CHSY3: variants seen among roughly 807,000 people sequenced by gnomAD.
CHSY3 encodes chondroitin sulfate synthase 3.
In CHSY3, 35 loss-of-function variants were observed where a neutral mutation model predicts 67.2. The observed-to-expected ratio is 0.52, with a 90% CI of 0.40 to 0.69. CHSY3 has a LOEUF of 0.69. Among genes scored for constraint, CHSY3 ranks in the 30% least tolerant of loss-of-function variants. CHSY3 has a pLI of 0.00. For missense variants in CHSY3, 1,069 were observed against 1,138.5 expected (o/e 0.94, Z 0.88); for synonymous variants, 474 against 434.7 (o/e 1.09, Z -1.12).
intron 2 of CHSY3, among the ~76,000 whole-genome samples, chr5:130,144,764 A>G (rs574530655): frequency 3.3e-5 from 5 of 152,302 alleles, no homozygotes; most frequent in African/African-American, 1.2e-4. Context: ...ATATAGTACA[A>G]AGCTATAGTA....
At chr5:130,124,591 G>A (rs139377859) in intron 2 of CHSY3, among the ~76,000 whole-genome samples, 1 of 151,920 alleles carries the variant, frequency 6.6e-6, no homozygotes, top group African/African-American at 2.4e-5. Context: ...GAGTAGCTGA[G>A]ATTACAGGCG....
At chr5:130,032,206 G>T (rs1347419028) in intron 2 of CHSY3, among the ~76,000 whole-genome samples, 1 of 152,074 alleles carries the variant, frequency 6.6e-6, no homozygotes, top group African/African-American at 2.4e-5. Flanking sequence ...TGTTATGGCA[G>T]CCTTTATGTT....
chr5:130,115,056 T>A (rs1767744932), intron 2 of CHSY3, among the ~76,000 whole-genome samples: 1 of 151,824 alleles, frequency 6.6e-6, no homozygotes, highest in Non-Finnish European at 1.5e-5. Flanking sequence ...TGATTACAAC[T>A]ATGGAAAAAT....
chr5:130,116,257 A>C (rs536062970), intron 2 of CHSY3, among the ~76,000 whole-genome samples: 2 of 152,356 alleles, frequency 1.3e-5, no homozygotes, highest in South Asian at 2.1e-4. Flanking sequence ...ATCTTAGAAG[A>C]GTTCACAAAA....
intron 2 of CHSY3, among the ~76,000 whole-genome samples, chr5:130,122,704 C>T (rs1001930115): frequency 2.0e-5 from 3 of 152,124 alleles, no homozygotes; most frequent in Admixed American, 6.5e-5. Flanking sequence ...TCCAGGTAAA[C>T]GTAAATATTT....
At chr5:130,002,040 A>G (rs1325169964) in intron 2 of CHSY3, 18 of 874,744 alleles carry the variant, frequency 2.1e-5, no homozygotes, top group Non-Finnish European at 2.5e-5. Flanking sequence ...TCTTTTTTTT[A>G]ACTCACTACT....
intron 2 of CHSY3, chr5:130,140,784 G>A (rs1768838154): frequency 4.3e-6 from 1 of 234,354 alleles, no homozygotes; most frequent in Non-Finnish European, 8.0e-6. Flanking sequence ...AAGGACATCA[G>A]TGAGAACAAT....
chr5:130,001,568 C>A, intron 2 of CHSY3: 1 of 878,608 alleles, frequency 1.1e-6, no homozygotes, highest in Non-Finnish European at 1.4e-6. Context: ...CTGTCCTTGC[C>A]TTTATTCCAA....
chr5:130,177,429 T>G (rs1770089413), intron 2 of CHSY3, among the ~76,000 whole-genome samples: 2 of 152,046 alleles, frequency 1.3e-5, no homozygotes, highest in Admixed American at 1.3e-4. Flanking sequence ...GAATAACAAA[T>G]CTATTAATAG....
At chr5:130,070,488 T>G (rs1766024648) in intron 2 of CHSY3, among the ~76,000 whole-genome samples, 1 of 152,092 alleles carries the variant, frequency 6.6e-6, no homozygotes, top group Non-Finnish European at 1.5e-5. Flanking sequence ...CAGTAAGTTT[T>G]ATGTGGATTT....
At chr5:129,944,902 C>T (rs4262139) in intron 2 of CHSY3, among the ~76,000 whole-genome samples, 2,283 of 152,050 alleles carry the variant, frequency 0.015, 49 homozygotes, top group African/African-American at 0.051. Context: ...GTAGCTTAGA[C>T]AAACAAAAAA....
chr5:130,152,768 AACATCTGTAAAATGG>A (rs558118324), intron 2 of CHSY3, among the ~76,000 whole-genome samples: 2 of 152,344 alleles, frequency 1.3e-5, no homozygotes, highest in East Asian at 3.9e-4. Flanking sequence ...ATGCCCTTGG[AACATCTGTAAAATGG>A]CCTTCTTTCA....
intron 2 of CHSY3, among the ~76,000 whole-genome samples, chr5:130,084,548 T>G (rs1002590859): frequency 6.6e-6 from 1 of 151,890 alleles, no homozygotes. Context: ...GTTTTATACA[T>G]TTTAGGGAGA....
chr5:130,097,623 G>A (rs1354213211), intron 2 of CHSY3, among the ~76,000 whole-genome samples: 1 of 152,186 alleles, frequency 6.6e-6, no homozygotes, highest in Non-Finnish European at 1.5e-5. Context: ...AACTAATTAA[G>A]TGTAACTACG....
At chr5:129,920,689 T>G (rs918378002) in intron 2 of CHSY3, among the ~76,000 whole-genome samples, 1 of 152,254 alleles carries the variant, frequency 6.6e-6, no homozygotes. Flanking sequence ...TATCACACAC[T>G]GTGGTTGTAA....
In CHSY3 at chr5:129,905,900, C is replaced by A. The variant is rs555108670; in HGVS notation, c.802+269C>A. The A allele has an allele frequency of 1.7e-5, 12 of 696,428 alleles. No individual in the cohort carries two copies. In the African/African-American group the frequency reaches 2.0e-4, roughly 11 times the overall value. 43.1% of individuals were successfully genotyped at this position (696,428 alleles called of 1,614,324 possible). The stretch of plus-strand genomic sequence containing the variant: ...TTTTCGGTGCCGCCTCGCGCTTGTC[C>A]CTTAGTCTTTACCTCGTCGGAGAGG... On this transcript the variant is annotated intron_variant, in intron 1 of 2. Coordinates refer to ENST00000305031, the MANE Select transcript of CHSY3 (RefSeq NM_175856.5).
chr5:129,926,254 G>A (rs1761105477), intron 2 of CHSY3, among the ~76,000 whole-genome samples: 1 of 151,866 alleles, frequency 6.6e-6, no homozygotes, highest in Admixed American at 6.5e-5. Flanking sequence ...TTATTTACAT[G>A]ATATTATTTG....
intron 2 of CHSY3, among the ~76,000 whole-genome samples, chr5:130,179,207 T>C (rs147387324): frequency 1.8e-4 from 27 of 152,350 alleles, no homozygotes; most frequent in African/African-American, 5.8e-4. Context: ...ATTTTGTTCT[T>C]TTATTGAACA....
chr5:130,002,012 TA>T, intron 2 of CHSY3: 2 of 874,730 alleles, frequency 2.3e-6, no homozygotes, highest in East Asian at 1.2e-4. Flanking sequence ...AGCTACTCTC[TA>T]AGTCCTTTTT....
Sources: gnomAD v4.1 joint callset for allele counts (sites outside exome capture counted in the v4.1 genomes callset) on GRCh38, gnomAD v4.1.1 for gene constraint, MANE v1.5 for transcripts, NCBI Gene and HGNC (gene_info 2026-07-23, HGNC 2026-07-21) for gene names.